The following AACS variants were observed in gnomAD, a reference collection of about 807,000 sequenced individuals.
AACS encodes the protein acetoacetyl-CoA synthetase.
A neutral mutation model predicts 83.1 loss-of-function variants in AACS; 69 were observed. The ratio of observed to expected loss-of-function variants is 0.83; its 90% CI spans 0.68 to 1.01. The LOEUF (loss-of-function observed/expected upper bound fraction) is 1.01. Among genes scored for constraint, AACS ranks in the 50% least tolerant of loss-of-function variants. AACS has a pLI of 0.00. For missense variants in AACS, 866 were observed against 882.2 expected (o/e 0.98, Z 0.23); for synonymous variants, 333 against 343.4 (o/e 0.97, Z 0.33).
At chr12:125,110,112 C>T (rs1313889124) in intron 8 of AACS, among the ~76,000 whole-genome samples, 4 of 151,588 alleles carry the variant, frequency 2.6e-5, no homozygotes, top group Non-Finnish European at 5.9e-5. Flanking sequence ...CTCTGCCTCC[C>T]GGGTTCAAGC....
In AACS at chr12:125,097,787, C is replaced by T. The variant is rs911210808; in HGVS notation, c.571-4892C>T. Among the ~76,000 whole-genome samples the T allele has an allele frequency of 2.0e-5, 3 of 152,190 alleles. No individual in the cohort carries two copies. Among genetic ancestry groups the T allele is most frequent in the Non-Finnish European group, 4.4e-5 (3 of 68,032 alleles). Reference sequence around the variant, plus strand: ...CCCAGGGGGAGCCCCATCTCAGTAACCCCCGCCACTACAACCCTGCCAAAC... The same window carrying T: ...CCCAGGGGGAGCCCCATCTCAGTAATCCCCGCCACTACAACCCTGCCAAAC... On this transcript the variant is annotated intron_variant, in intron 5 of 17. Transcript: ENST00000316519. The surrounding 1 kb of genome is among the most constrained non-coding windows in gnomAD (Gnocchi z 4.3).
Position 125,091,439 on chromosome 12 carries a change from C to G in AACS, c.486C>G (p.Asn162Lys). Residue 162 changes from asparagine to lysine, a missense_variant, in exon 5 of 18, where the codon AAC (asparagine) becomes AAG (lysine). Transcript: ENST00000316519. ...KGDRVVGYLP[N>K]SEHAVEAMLA... ...TTTTCTCCACAGGTTATTTACCCAA[C>G]AGTGAGCACGCTGTCGAGGCGATGC... 1.2e-6 allele frequency: 2 copies of G among 1,614,268 alleles called. No homozygotes were observed. Among genetic ancestry groups the G allele is most frequent in the South Asian group, 2.2e-5 (2 of 91,086 alleles).
chr12:125,091,609 G>C, intron 5 of AACS, 86 bp downstream of exon 5: 1 of 1,404,500 alleles, frequency 7.1e-7, no homozygotes, highest in Non-Finnish European at 1.0e-6. Flanking sequence ...TCCCAGGGGA[G>C]CCGGACAGCA....
chr12:125,104,225 T>C (rs1396979107), intron 7 of AACS, among the ~76,000 whole-genome samples: 1 of 152,058 alleles, frequency 6.6e-6, no homozygotes, highest in Non-Finnish European at 1.5e-5. Context: ...GAGGGCACCT[T>C]GTACGTGGCT....
chr12:125,133,952 G>T, intron 14 of AACS, 51 bp from the exon 15 acceptor site: 1 of 1,602,216 alleles, frequency 6.2e-7, no homozygotes, highest in Non-Finnish European at 8.5e-7. Context: ...CAGGCAGCCT[G>T]TCATGGCCCC....
chr12:125,073,087 C>T (rs993445757), intron 1 of AACS, among the ~76,000 whole-genome samples: 3 of 151,972 alleles, frequency 2.0e-5, no homozygotes, highest in South Asian at 2.1e-4. Flanking sequence ...CCACCATGCT[C>T]GGCTAATTTT....
chr12:125,089,743 A>G (rs1279333308), intron 4 of AACS, among the ~76,000 whole-genome samples: 1 of 150,696 alleles, frequency 6.6e-6, no homozygotes, highest in East Asian at 2.0e-4. Context: ...CTCTCCACCT[A>G]CCCATCCATC....
At chr12:125,088,697 T>G (rs1956395268) in intron 4 of AACS, among the ~76,000 whole-genome samples, 2 of 152,216 alleles carry the variant, frequency 1.3e-5, no homozygotes, top group South Asian at 4.1e-4. Flanking sequence ...AAGCAAACGT[T>G]TCTGAGTGAA....
At chr12:125,108,507 A>G (rs57031290) in intron 8 of AACS, among the ~76,000 whole-genome samples, 37,883 of 152,016 alleles carry the variant, frequency 0.25, 5,475 homozygotes, top group East Asian at 0.45. Context: ...GGGCTTCAAC[A>G]TACGAATTTT....
chr12:125,084,463 G>A (rs1956281418), intron 3 of AACS, among the ~76,000 whole-genome samples: 1 of 151,684 alleles, frequency 6.6e-6, no homozygotes, highest in South Asian at 2.1e-4. Flanking sequence ...GAGTGCAGTG[G>A]TACGAACATA....
chr12:125,116,003 G>C (rs1249850532), intron 9 of AACS, among the ~76,000 whole-genome samples: 3 of 152,212 alleles, frequency 2.0e-5, no homozygotes, highest in African/African-American at 7.2e-5. Context: ...CCTGCTCTCT[G>C]TGACCAGCTG....
At chr12:125,074,003 A>G in intron 2 of AACS, 24 bp downstream of exon 2, 1 of 1,569,316 alleles carries the variant, frequency 6.4e-7, no homozygotes, top group South Asian at 1.1e-5. Flanking sequence ...TTCCGTGGAT[A>G]TCATCTCTTT....
intron 10 of AACS, chr12:125,121,210 C>G (rs1957147764): frequency 6.6e-6 from 1 of 152,306 alleles, no homozygotes; most frequent in African/African-American, 2.4e-5. Flanking sequence ...CTGGCAGGGG[C>G]TGCGGGTGAG....
At chr12:125,075,926 A>G (rs1594573988) in intron 2 of AACS, among the ~76,000 whole-genome samples, 3 of 152,342 alleles carry the variant, frequency 2.0e-5, no homozygotes, top group Admixed American at 2.0e-4. Flanking sequence ...GCAGCTTAGA[A>G]AAAACTTTTC....
chr12:125,136,293 T>A (rs1417347827), intron 16 of AACS: 1 of 241,120 alleles, frequency 4.1e-6, no homozygotes, highest in African/African-American at 2.3e-5. Context: ...TAAGTGATCC[T>A]CTCACCTCAG....
intron 9 of AACS, 42 bp downstream of exon 9, chr12:125,114,599 A>G: frequency 6.4e-7 from 1 of 1,563,466 alleles, no homozygotes; most frequent in Non-Finnish European, 8.7e-7. Flanking sequence ...ATACCACAAT[A>G]GGGGCTTCCC....
chr12:125,100,262 A>G (rs541831872), intron 5 of AACS, among the ~76,000 whole-genome samples: 11 of 152,338 alleles, frequency 7.2e-5, no homozygotes, highest in South Asian at 6.2e-4. Context: ...TAAGAAGCTT[A>G]TGTTATTGGT....
At chr12:125,096,925 T>C (rs1302211835) in intron 5 of AACS, among the ~76,000 whole-genome samples, 1 of 151,996 alleles carries the variant, frequency 6.6e-6, no homozygotes, top group Non-Finnish European at 1.5e-5. Context: ...ACTTCTCTCC[T>C]GGATGCTTCT....
At chr12:125,098,399 A>G (rs1956657574) in intron 5 of AACS, among the ~76,000 whole-genome samples, 2 of 151,538 alleles carry the variant, frequency 1.3e-5, no homozygotes, top group Non-Finnish European at 2.9e-5. Context: ...GTCTAAAAAA[A>G]AAAAAATCCT....
Sources: allele counts gnomAD v4.1 joint callset (sites outside exome capture counted in the v4.1 genomes callset), GRCh38; gene constraint gnomAD v4.1.1; non-coding constraint Gnocchi (gnomAD v3.1); transcripts MANE v1.5; gene names NCBI Gene and HGNC (gene_info 2026-07-23, HGNC 2026-07-21).